The following FHIT variants were observed in gnomAD, a reference collection of about 807,000 sequenced individuals.
FHIT encodes the protein bis(5'-adenosyl)-triphosphatase.
A neutral mutation model predicts 17.9 loss-of-function variants in FHIT; 19 were observed. The observed-to-expected ratio is 1.06, with a 90% confidence interval of 0.74 to 1.56. FHIT has a LOEUF of 1.56. Among genes scored for constraint, FHIT ranks in the 40% most tolerant of loss-of-function variants. FHIT has a pLI of 0.00. For synonymous variants in FHIT, 81 were observed against 69.7 expected, an observed-to-expected ratio of 1.16 and a Z score of -0.81; for missense variants, 248 against 189.2, an observed-to-expected ratio of 1.31 and a Z score of -1.82.
At chr3:60,028,837 G>A (rs1281523409) in intron 5 of FHIT, among the ~76,000 whole-genome samples, 1 of 152,088 alleles carries the variant, frequency 6.6e-6, no homozygotes, top group Admixed American at 6.5e-5. Context: ...ATGTACCAGA[G>A]GAAGTGACAT....
chr3:60,572,851 G>A (rs527913378), intron 4 of FHIT, among the ~76,000 whole-genome samples: 38 of 152,222 alleles, frequency 2.5e-4, no homozygotes, highest in African/African-American at 7.0e-4. Flanking sequence ...GGGACCAGTT[G>A]GTCAGCAACT....
At chr3:60,864,302 G>A (rs562413202) in intron 3 of FHIT, among the ~76,000 whole-genome samples, 1 of 152,104 alleles carries the variant, frequency 6.6e-6, no homozygotes, top group Admixed American at 6.6e-5. Flanking sequence ...CCATCTTGCA[G>A]ATTAAGAAGC....
chr3:60,758,114 TC>T (rs1169281135), intron 4 of FHIT, among the ~76,000 whole-genome samples: 6 of 152,190 alleles, frequency 3.9e-5, no homozygotes, highest in African/African-American at 1.4e-4. Flanking sequence ...AAGCAGAGTT[TC>T]TCACAGGTTG....
intron 4 of FHIT, among the ~76,000 whole-genome samples, chr3:60,589,337 T>C (rs1320679454): frequency 6.6e-6 from 1 of 152,008 alleles, no homozygotes; most frequent in Non-Finnish European, 1.5e-5. Flanking sequence ...AACCAATCAC[T>C]TGTATTTGTG....
In FHIT at chr3:60,404,941, A is replaced by G. The variant is rs1469735111; in HGVS notation, c.103+131919T>C. On this transcript the variant is annotated intron_variant, in intron 5 of 9. Transcript: ENST00000492590. ...AACGATCATTAAAAGAAGGATGTCC[A>G]GGTTGCAGCAGCAGCAGAAATCCTA... is the stretch of plus-strand genomic sequence containing the variant. 5.3e-5 allele frequency among the ~76,000 whole-genome samples: 8 copies of G among 152,192 alleles called. No individual in the cohort carries two copies. In the South Asian group the frequency reaches 6.2e-4, roughly 12 times the overall value.
intron 4 of FHIT, among the ~76,000 whole-genome samples, chr3:60,680,350 CT>C (rs1404413411): frequency 1.3e-5 from 2 of 152,092 alleles, no homozygotes; most frequent in African/African-American, 4.8e-5. Flanking sequence ...TCTGTTGCTT[CT>C]CCAATTTATG....
Position 59,952,125 on chromosome 3 carries a change from A to T in FHIT, c.280-29711T>A, listed in dbSNP as rs1707146802. On this transcript the variant is annotated intron_variant, in intron 7 of 9. Transcript: ENST00000492590. ...TCTTGGATTCCTTCTATATCCAGTCAATTTCACTACCTTCTACTTTAGCTA... is the reference window on the plus strand; with the variant it reads ...TCTTGGATTCCTTCTATATCCAGTCTATTTCACTACCTTCTACTTTAGCTA... Among the ~76,000 whole-genome samples, 3 of 152,244 alleles carry T rather than the reference A, an allele frequency of 2.0e-5. No homozygotes were observed. The South Asian group carries it at 6.2e-4, about 32-fold the overall frequency.
chr3:60,610,565 C>A (rs1553673120), intron 4 of FHIT, among the ~76,000 whole-genome samples: 1 of 152,208 alleles, frequency 6.6e-6, no homozygotes, highest in Admixed American at 6.5e-5. Flanking sequence ...AACAACTTGA[C>A]CTTATTTCAG....
At chr3:60,793,131 G>C (rs1460437599) in intron 4 of FHIT, among the ~76,000 whole-genome samples, 1 of 151,924 alleles carries the variant, frequency 6.6e-6, no homozygotes, top group Non-Finnish European at 1.5e-5. Context: ...CAGTTTCCTT[G>C]GTGTCTCAGT....
chr3:60,224,148 C>T (rs1479272832), intron 5 of FHIT, among the ~76,000 whole-genome samples: 2 of 152,058 alleles, frequency 1.3e-5, no homozygotes, highest in Admixed American at 6.5e-5. Flanking sequence ...CAAACAAAAA[C>T]GAGCAAACCT....
chr3:60,189,167 T>A (rs549249779), intron 5 of FHIT, among the ~76,000 whole-genome samples: 1 of 151,792 alleles, frequency 6.6e-6, no homozygotes, highest in African/African-American at 2.4e-5. Context: ...CAGTCTGACC[T>A]TTTTTCTCTG....
intron 5 of FHIT, among the ~76,000 whole-genome samples, chr3:60,147,566 T>C (rs1700294505): frequency 6.6e-6 from 1 of 152,200 alleles, no homozygotes; most frequent in African/African-American, 2.4e-5. Flanking sequence ...TTATACTGCA[T>C]AGGTCTTTCA....
At chr3:60,446,078 G>A (rs2031310602) in intron 5 of FHIT, among the ~76,000 whole-genome samples, 1 of 152,068 alleles carries the variant, frequency 6.6e-6, no homozygotes, top group African/African-American at 2.4e-5. Context: ...CAAAATTAAT[G>A]GACCAAGCCA....
intron 4 of FHIT, among the ~76,000 whole-genome samples, chr3:60,694,486 C>T (rs1418720908): frequency 3.3e-5 from 5 of 152,250 alleles, no homozygotes; most frequent in Admixed American, 6.5e-5. Flanking sequence ...CTACTTCAAC[C>T]ATTGTGGAAG....
chr3:61,088,265 G>T (rs1018895980), intron 2 of FHIT, among the ~76,000 whole-genome samples: 1 of 152,102 alleles, frequency 6.6e-6, no homozygotes, highest in African/African-American at 2.4e-5. Context: ...TAATAGAAGG[G>T]ACTCTGTCTA....
At chr3:60,735,246 A>G (rs1166714647) in intron 4 of FHIT, among the ~76,000 whole-genome samples, 1 of 152,208 alleles carries the variant, frequency 6.6e-6, no homozygotes, top group Non-Finnish European at 1.5e-5. Flanking sequence ...GCATAGCACA[A>G]TGGACATCTA....
At chr3:60,975,486 C>T (rs1005078918) in intron 3 of FHIT, among the ~76,000 whole-genome samples, 3 of 152,074 alleles carry the variant, frequency 2.0e-5, no homozygotes, top group African/African-American at 7.2e-5. Context: ...GAGGAACAGA[C>T]TAAAGAGAGA....
At chr3:61,214,283 G>A (rs1414313704) in intron 1 of FHIT, among the ~76,000 whole-genome samples, 1 of 152,096 alleles carries the variant, frequency 6.6e-6, no homozygotes, top group Non-Finnish European at 1.5e-5. Flanking sequence ...GAAGAAAAGA[G>A]AGAAGAATCA....
rs766459677 is a variant in FHIT, at chr3:60,024,665, A to G, written c.104-10513T>C. Among the ~76,000 whole-genome samples, 121 of 152,286 alleles carry G rather than the reference A, an allele frequency of 7.9e-4. 1 individual carries two copies. Among genetic ancestry groups the G allele is most frequent in the South Asian group, 1.2e-3 (6 of 4,824 alleles). On this transcript the variant is annotated intron_variant, in intron 5 of 9. Transcript: ENST00000492590. ...CTGACATAGTAACTACTGTGAAAAT[A>G]TAAGGGGTGAGATGAGAAAGAAAAG...
Sources: allele counts gnomAD v4.1 joint callset (sites outside exome capture counted in the v4.1 genomes callset), GRCh38; gene constraint gnomAD v4.1.1; transcripts MANE v1.5; gene names NCBI Gene and HGNC (gene_info 2026-07-23, HGNC 2026-07-21).